FER1L6: variants seen among roughly 807,000 people sequenced by gnomAD.
FER1L6 encodes fer-1-like protein 6.
FER1L6 carries 177 observed loss-of-function variants against 219.2 expected under a neutral mutation model. The observed-to-expected ratio is 0.81, with a 90% CI of 0.71 to 0.91. The LOEUF (loss-of-function observed/expected upper bound fraction) is 0.91. Among genes scored for constraint, FER1L6 ranks in the 40% least tolerant of loss-of-function variants. FER1L6 has a pLI of 0.00. For missense variants in FER1L6, 2,153 were observed against 2,259.9 expected (o/e 0.95, Z 0.96); for synonymous variants, 768 against 824.3 (o/e 0.93, Z 1.17).
chr8:124,089,499 T>C (rs1821930774), intron 33 of FER1L6, among the ~76,000 whole-genome samples: 1 of 152,234 alleles, frequency 6.6e-6, no homozygotes, highest in South Asian at 2.1e-4. Flanking sequence ...ATCTTGTGTG[T>C]ATAATTTCAA....
intron 1 of FER1L6, among the ~76,000 whole-genome samples, chr8:123,857,709 A>C (rs1189412387): frequency 2.6e-5 from 4 of 152,058 alleles, no homozygotes; most frequent in African/African-American, 9.7e-5. Flanking sequence ...AGTGGGTACC[A>C]GCAGCAGTGG....
At chr8:123,898,569 T>C (rs1170734530) in intron 1 of FER1L6, among the ~76,000 whole-genome samples, 3 of 150,740 alleles carry the variant, frequency 2.0e-5, no homozygotes, top group African/African-American at 7.3e-5. Flanking sequence ...ATTTAGTTAA[T>C]AGTCTCCAAT....
intron 1 of FER1L6, among the ~76,000 whole-genome samples, chr8:123,923,313 A>C (rs760577712): frequency 3.9e-5 from 6 of 152,240 alleles, no homozygotes; most frequent in Non-Finnish European, 7.3e-5. Context: ...AACTTCGTCA[A>C]TGTCACCTGC....
chr8:124,003,168 TA>T lies in FER1L6; in HGVS notation c.1523del (p.Asn508IlefsTer5). The T allele has an allele frequency of 1.2e-6, 2 of 1,613,294 alleles. No homozygotes were observed. The highest frequency in any genetic ancestry group is 2.7e-5 in the African/African-American group (2 of 75,014). ...TTCCCCTTGCTACTGCCTCTGCAGGTAATTTTGGAAACCTGATTGATGGAGG... is the reference window on the plus strand; with the variant it reads ...TTCCCCTTGCTACTGCCTCTGCAGGTATTTTGGAAACCTGATTGATGGAGG... ...KPISFEVSIG[N>X]FGNLIDGGSH... On this transcript the variant is annotated frameshift_variant and splice_region_variant, in exon 13 of 41. Transcript: ENST00000522917. LOFTEE classifies it high-confidence loss of function.
chr8:123,885,945 T>G (rs1193868987), intron 1 of FER1L6, among the ~76,000 whole-genome samples: 2 of 152,198 alleles, frequency 1.3e-5, no homozygotes, highest in African/African-American at 4.8e-5. Flanking sequence ...ATTGTGATGT[T>G]TTCTCACTTC....
intron 15 of FER1L6, chr8:124,016,005 G>C (rs892949578): frequency 6.5e-6 from 1 of 152,904 alleles, no homozygotes. Context: ...ACATGTGAAG[G>C]TAAGGGAGGA....
At chr8:123,881,875 A>T (rs1192341662) in intron 1 of FER1L6, among the ~76,000 whole-genome samples, 1 of 152,148 alleles carries the variant, frequency 6.6e-6, no homozygotes, top group Non-Finnish European at 1.5e-5. Context: ...GATTGAGCAT[A>T]TTCATGGAGC....
chr8:123,985,974 A>G (rs1365766645), intron 11 of FER1L6, 94 bp from the exon 12 acceptor site: 6 of 712,732 alleles, frequency 8.4e-6, no homozygotes, highest in East Asian at 2.6e-5. Flanking sequence ...CCAAATGTTT[A>G]TAAATTATGC....
At chr8:123,983,529 A>T (rs1816418098) in intron 11 of FER1L6, among the ~76,000 whole-genome samples, 1 of 152,204 alleles carries the variant, frequency 6.6e-6, no homozygotes, top group Non-Finnish European at 1.5e-5. Flanking sequence ...TAAGTGCTTT[A>T]AGGAGGTACA....
intron 1 of FER1L6, among the ~76,000 whole-genome samples, chr8:123,856,302 A>ATGTG (rs1276599677): frequency 3.0e-5 from 2 of 66,904 alleles, no homozygotes; most frequent in African/African-American, 1.2e-4. Context: ...GTATATATAT[A>ATGTG]TATATATGTA....
chr8:123,871,445 A>G (rs191563716), intron 1 of FER1L6, among the ~76,000 whole-genome samples: 1 of 152,244 alleles, frequency 6.6e-6, no homozygotes, highest in East Asian at 1.9e-4. Context: ...AGGAAGCGCT[A>G]AACACCAACC....
chr8:123,999,340 G>T (rs951372547), intron 12 of FER1L6, among the ~76,000 whole-genome samples: 1 of 152,196 alleles, frequency 6.6e-6, no homozygotes, highest in East Asian at 1.9e-4. Context: ...CTGTTCCAAG[G>T]TGTGTTTAGA....
chr8:123,872,592 C>T (rs1165085873), intron 1 of FER1L6, among the ~76,000 whole-genome samples: 2 of 152,082 alleles, frequency 1.3e-5, no homozygotes, highest in Non-Finnish European at 2.9e-5. Flanking sequence ...TTAATTGTGA[C>T]AAATGTAACA....
At chr8:124,025,505 T>C (rs903584966) in intron 18 of FER1L6, among the ~76,000 whole-genome samples, 3 of 152,200 alleles carry the variant, frequency 2.0e-5, no homozygotes, top group Non-Finnish European at 4.4e-5. Context: ...TGACTTCATT[T>C]CTAGGTTCTC....
chr8:123,873,711 C>A (rs1463743001), intron 1 of FER1L6, among the ~76,000 whole-genome samples: 8 of 152,114 alleles, frequency 5.3e-5, no homozygotes, highest in African/African-American at 1.9e-4. Context: ...TCCAGCAATG[C>A]CTGGTGGCTT....
intron 9 of FER1L6, 43 bp downstream of exon 9, chr8:123,976,127 C>G (rs908472808): frequency 7.1e-7 from 1 of 1,401,894 alleles, no homozygotes; most frequent in Non-Finnish European, 9.8e-7. Context: ...AGGCCAGGGC[C>G]CTGCTCTCTA....
chr8:124,095,731 T>C (rs1036053901), intron 35 of FER1L6, among the ~76,000 whole-genome samples: 25 of 152,194 alleles, frequency 1.6e-4, no homozygotes, highest in African/African-American at 6.0e-4. Context: ...ATCAAGCTGG[T>C]ACAAGGAACA....
intron 1 of FER1L6, among the ~76,000 whole-genome samples, chr8:123,883,001 T>G (rs749885180): frequency 6.6e-6 from 1 of 152,154 alleles, no homozygotes; most frequent in Non-Finnish European, 1.5e-5. Flanking sequence ...GTGTAGGAAC[T>G]CTCTACCTTT....
intron 1 of FER1L6, among the ~76,000 whole-genome samples, chr8:123,876,246 C>T (rs570108503): frequency 9.9e-5 from 15 of 152,232 alleles, no homozygotes; most frequent in African/African-American, 3.6e-4. Context: ...GCTCATTTCT[C>T]TTTCTGAGAT....
Sources: gnomAD v4.1 joint callset for allele counts (sites outside exome capture counted in the v4.1 genomes callset) on GRCh38, gnomAD v4.1.1 for gene constraint, MANE v1.5 for transcripts, NCBI Gene and HGNC (gene_info 2026-07-23, HGNC 2026-07-21) for gene names.